The following LUC7L3 variants were observed in gnomAD, a reference collection of about 807,000 sequenced individuals.
The protein encoded by LUC7L3 is luc7-like protein 3.
LUC7L3 carries 6 observed loss-of-function variants against 66.8 expected under a neutral mutation model. The observed-to-expected ratio is 0.09, with a 90% CI of 0.05 to 0.18. The LOEUF (loss-of-function observed/expected upper bound fraction) is 0.18, where lower values mean the gene tolerates loss of function less well. LUC7L3 is among the 10% of genes least tolerant of loss of function. The pLI, the probability that LUC7L3 is intolerant of heterozygous loss-of-function variation, is 1.00. For synonymous variants in LUC7L3, 160 were observed against 174.7 expected, an observed-to-expected ratio of 0.92 and a Z score of 0.66; for missense variants, 341 against 531.1, an observed-to-expected ratio of 0.64 and a Z score of 3.52.
At chr17:50,742,992 ACT>A (rs1473900247) in intron 5 of LUC7L3, among the ~76,000 whole-genome samples, 3 of 152,248 alleles carry the variant, frequency 2.0e-5, no homozygotes, top group Admixed American at 6.5e-5. Context: ...AGACTCTATG[ACT>A]CTATATAAAA....
intron 3 of LUC7L3, 127 bp downstream of exon 3, chr17:50,740,472 G>A (rs547274491): frequency 2.7e-4 from 224 of 842,498 alleles, no homozygotes; most frequent in Non-Finnish European, 1.6e-4. Context: ...AGTGGCTGGG[G>A]ATAGTAAGAA....
chr17:50,744,980 TTTTG>T (rs879515671), intron 7 of LUC7L3, among the ~76,000 whole-genome samples, 167 bp downstream of exon 7: 120 of 151,826 alleles, frequency 7.9e-4, no homozygotes, highest in Admixed American at 2.1e-3. Context: ...CCTGGCTAAT[TTTTG>T]TTTGTTTGTT....
chr17:50,749,165 C>T, intron 9 of LUC7L3: 7 of 1,260,240 alleles, frequency 5.6e-6, no homozygotes, highest in Non-Finnish European at 7.3e-6. Context: ...CCCTAAAATC[C>T]ACCACAAATT....
At chr17:50,741,281 C>T (rs1970330574) in intron 4 of LUC7L3, 35 bp downstream of exon 4, 1 of 1,597,268 alleles carries the variant, frequency 6.3e-7, no homozygotes, top group South Asian at 1.1e-5. Context: ...GTAAACGGTC[C>T]TTGTTTTCTG....
chr17:50,744,660 A>C lies in LUC7L3; in HGVS notation c.540A>C (p.Glu180Asp). The change falls in exon 7 of 10, where the codon GAA becomes GAC. Residue 180 changes from glutamate to aspartate, a missense_variant. This residue lies in a region of LUC7L3 where 86 missense variants were observed against 172.0 expected (regional missense o/e 0.50). Coordinates refer to ENST00000505658, the MANE Select transcript of LUC7L3 (RefSeq NM_016424.5). The part of the protein sequence containing the change: ...ELLRSTTSTI[E>D]SFAAQEKQME... Reference sequence around the variant, plus strand: ...CTGATTTATCATTTTAGACAATTGAAAGCTTTGCTGCACAAGAAAAACAAA... The same window carrying C: ...CTGATTTATCATTTTAGACAATTGACAGCTTTGCTGCACAAGAAAAACAAA... 1.2e-5 allele frequency: 19 copies of C among 1,610,538 alleles called. No homozygotes were observed. Among genetic ancestry groups the C allele is most frequent in the Non-Finnish European group, 1.6e-5 (19 of 1,179,104 alleles).
chr17:50,741,506 T>C (rs955710910), intron 4 of LUC7L3, 151 bp from the exon 5 acceptor site: 1 of 615,804 alleles, frequency 1.6e-6, no homozygotes, highest in African/African-American at 1.9e-5. Flanking sequence ...CAATATGTGA[T>C]TGACCAACAG....
chr17:50,745,808 G>A lies in LUC7L3; in HGVS notation c.782G>A (p.Arg261Gln), dbSNP rs368969623. The change falls in exon 8 of 10, where the codon CGG becomes CAG. Residue 261 changes from arginine (R) to glutamine (Q), a missense_variant. This residue lies in a region of LUC7L3 where 210 missense variants were observed against 238.1 expected (regional missense o/e 0.88). Transcript: ENST00000505658. ...KQEREEREKE[R>Q]EREREERERK... ...GAAAGAGAAGAAAGAGAAAAAGAACGGGAGAGAGAAAGGGAAGAAAGAGAA... is the reference window on the plus strand; with the variant it reads ...GAAAGAGAAGAAAGAGAAAAAGAACAGGAGAGAGAAAGGGAAGAAAGAGAA... The A allele has an allele frequency of 6.9e-6, 11 of 1,590,520 alleles. No individual in the cohort carries two copies. The highest frequency in any genetic ancestry group is 1.7e-5 in the Admixed American group (1 of 58,400).
At chr17:50,742,978 A>G (rs979394222) in intron 5 of LUC7L3, among the ~76,000 whole-genome samples, 4 of 152,192 alleles carry the variant, frequency 2.6e-5, no homozygotes, top group Non-Finnish European at 5.9e-5. Flanking sequence ...CAAAAAAGGA[A>G]TATAGACTCT....
At chr17:50,736,215 T>C (rs1290823905) in intron 1 of LUC7L3, among the ~76,000 whole-genome samples, 4 of 152,236 alleles carry the variant, frequency 2.6e-5, no homozygotes, top group Non-Finnish European at 5.9e-5. Flanking sequence ...GAATTTTGAT[T>C]TACATGGTTT....
Position 50,752,289 on chromosome 17 carries a change from T to G in LUC7L3, c.*1628T>G. The G allele has an allele frequency of 1.8e-6, 2 of 1,107,986 alleles. No homozygotes were observed. Among genetic ancestry groups the G allele is most frequent in the Non-Finnish European group, 2.4e-6 (2 of 842,182 alleles). The allele number at this position is 1,107,986 out of a possible 1,614,324, so 68.6% of individuals were successfully genotyped here. On this transcript the variant is annotated 3_prime_UTR_variant, in exon 10 of 10. Coordinates refer to ENST00000505658, the MANE Select transcript of LUC7L3 (RefSeq NM_016424.5). ...AAAATGAGGTGAAAGAAAGCTATAG[T>G]GGCATAGAAAAAGTATAAAGCTCAG...
At chr17:50,749,039 A>G (rs1047169525) in intron 9 of LUC7L3, among the ~76,000 whole-genome samples, 1 of 152,206 alleles carries the variant, frequency 6.6e-6, no homozygotes, top group African/African-American at 2.4e-5. Flanking sequence ...TCCAGGTGCT[A>G]TGATAGAAGC....
At chr17:50,745,539 T>C (rs930353388) in intron 7 of LUC7L3, among the ~76,000 whole-genome samples, 181 bp from the exon 8 acceptor site, 5 of 152,198 alleles carry the variant, frequency 3.3e-5, no homozygotes, top group African/African-American at 1.2e-4. Flanking sequence ...TTGGGAAGAA[T>C]ATTCCTGAGG....
intron 1 of LUC7L3, among the ~76,000 whole-genome samples, chr17:50,735,799 A>T (rs910886827): frequency 1.3e-5 from 2 of 152,052 alleles, no homozygotes; most frequent in Admixed American, 6.5e-5. Flanking sequence ...TGCCTGACCA[A>T]CGCTGCCTTT....
intron 5 of LUC7L3, among the ~76,000 whole-genome samples, chr17:50,743,477 A>C (rs1970478885): frequency 6.6e-6 from 1 of 152,076 alleles, no homozygotes; most frequent in Non-Finnish European, 1.5e-5. Flanking sequence ...AAGTGCTTGG[A>C]TTACAGGCAT....
chr17:50,732,677 C>G (rs1001509163), intron 1 of LUC7L3, among the ~76,000 whole-genome samples: 2 of 151,962 alleles, frequency 1.3e-5, no homozygotes, highest in African/African-American at 2.4e-5. Flanking sequence ...CCACTGGGCC[C>G]AGCCTATCTC....
chr17:50,739,428 G>C (rs1970201779), intron 2 of LUC7L3, among the ~76,000 whole-genome samples: 1 of 152,196 alleles, frequency 6.6e-6, no homozygotes, highest in Admixed American at 6.5e-5. Context: ...AAGGAGGGCA[G>C]ATCACTCGAG....
Position 50,741,121 on chromosome 17 carries a change from T to C in LUC7L3, c.226T>C (p.Phe76Leu). The C allele has an allele frequency of 6.2e-7, 1 of 1,614,164 alleles. No homozygotes were observed. Among genetic ancestry groups the C allele is most frequent in the Non-Finnish European group, 8.5e-7 (1 of 1,180,006 alleles). Residue 76 changes from phenylalanine (F) to leucine (L), a missense_variant, in exon 4 of 10, where the codon TTC becomes CTC. By Grantham distance (22) the Phe-to-Leu change is conservative (BLOSUM62 0). Transcript: ENST00000505658. Reference sequence around the variant, plus strand: ...TACCAGGTATGAGAAGAGCTCTCGTTTCATGAAAGTTGGCTATGAGAGAGA... The same window carrying C: ...TACCAGGTATGAGAAGAGCTCTCGTCTCATGAAAGTTGGCTATGAGAGAGA... ...LRKQYEKSSR[F>L]MKVGYERDFL...
intron 1 of LUC7L3, among the ~76,000 whole-genome samples, chr17:50,731,163 G>A (rs183311859): frequency 6.6e-6 from 1 of 152,072 alleles, no homozygotes; most frequent in African/African-American, 2.4e-5. Context: ...AGTAAGAAAC[G>A]AATTCTCTGG....
chr17:50,751,123 T>C lies in LUC7L3; in HGVS notation c.*462T>C, dbSNP rs1970959889. On this transcript the variant is annotated 3_prime_UTR_variant, in exon 10 of 10. Transcript: ENST00000505658. ...AATATTTCGGAGGCACATGTTGGAC[T>C]ACTTTGTTTTAATTAAACTGCTAGT... is the stretch of plus-strand genomic sequence containing the variant. 6.9e-7 allele frequency: 1 copy of C among 1,456,336 alleles called. No individual in the cohort carries two copies. The highest frequency in any genetic ancestry group is 2.7e-5 in the Admixed American group (1 of 36,580). 90.2% of individuals were successfully genotyped at this position (1,456,336 alleles called of 1,614,324 possible). A position where few individuals can be genotyped will look rare whatever the true frequency, so the allele number is the denominator to read the frequency against.
Sources: allele counts gnomAD v4.1 joint callset (sites outside exome capture counted in the v4.1 genomes callset), GRCh38; gene constraint gnomAD v4.1.1; regional missense constraint gnomAD v4.1.1; transcripts MANE v1.5; gene names NCBI Gene and HGNC (gene_info 2026-07-23, HGNC 2026-07-21).